Variants in MGMT observed in about 807,000 individuals in gnomAD.
MGMT encodes the protein methylated-DNA--protein-cysteine methyltransferase.
Under a neutral mutation model 15.9 loss-of-function variants are expected in MGMT, and 14 were observed. The ratio of observed to expected loss-of-function variants is 0.88; its 90% CI spans 0.58 to 1.37. The LOEUF (loss-of-function observed/expected upper bound fraction) is 1.37, where lower values mean the gene tolerates loss of function less well. MGMT is among the 40% of genes most tolerant of loss of function. The probability of loss-of-function intolerance (pLI) is 0.00; values close to 1 mark genes in which losing one functional copy is unlikely to be tolerated. For synonymous variants in MGMT, 130 were observed against 118.2 expected (o/e 1.10, Z -0.65); for missense variants, 282 against 268.1 (o/e 1.05, Z -0.36).
intron 2 of MGMT, among the ~76,000 whole-genome samples, chr10:129,661,220 T>A (rs961856977): frequency 1.1e-4 from 16 of 152,226 alleles, no homozygotes; most frequent in Non-Finnish European, 1.8e-4. Flanking sequence ...CAACTTTTTT[T>A]TTTTGCTTTT....
chr10:129,658,160 G>C (rs1847553833), intron 2 of MGMT, among the ~76,000 whole-genome samples: 1 of 152,098 alleles, frequency 6.6e-6, no homozygotes, highest in African/African-American at 2.4e-5. Context: ...CCCAAGTAAG[G>C]AACTAAAATG....
intron 1 of MGMT, among the ~76,000 whole-genome samples, chr10:129,493,537 G>A (rs1398981289): frequency 1.3e-5 from 2 of 152,140 alleles, no homozygotes; most frequent in Non-Finnish European, 2.9e-5. Context: ...TTTGCATAAA[G>A]CTACCAGAAG....
intron 1 of MGMT, among the ~76,000 whole-genome samples, chr10:129,496,095 C>A (rs912031802): frequency 6.6e-6 from 1 of 152,170 alleles, no homozygotes; most frequent in African/African-American, 2.4e-5. Context: ...CATTTAGAGT[C>A]TCACTTTTAA....
intron 2 of MGMT, among the ~76,000 whole-genome samples, chr10:129,580,147 C>T (rs1022897246): frequency 2.0e-5 from 3 of 152,120 alleles, no homozygotes; most frequent in East Asian, 1.9e-4. Flanking sequence ...GGTGTGTTGC[C>T]GTCTCAGCAG....
At chr10:129,759,902 G>T (rs1217036752) in intron 4 of MGMT, among the ~76,000 whole-genome samples, 1 of 152,174 alleles carries the variant, frequency 6.6e-6, no homozygotes, top group Non-Finnish European at 1.5e-5. Context: ...CTTGCAGCAT[G>T]GGACAAGGGA....
chr10:129,751,967 G>A (rs932303058), intron 3 of MGMT, among the ~76,000 whole-genome samples: 1 of 151,950 alleles, frequency 6.6e-6, no homozygotes, highest in African/African-American at 2.4e-5. Flanking sequence ...CTTGAAAAGA[G>A]TATAGATTCT....
chr10:129,618,099 G>T lies in MGMT; in HGVS notation c.125+81722G>T, dbSNP rs531202270. 5.9e-5 allele frequency among the ~76,000 whole-genome samples: 9 copies of T among 152,252 alleles called. No homozygotes were observed. The South Asian group carries it at 1.7e-3, about 28-fold the overall frequency. ...GAATGCCCAATTTGCACCAGAGATAGAGCCAGGCCCCTTGGGATGGAAAAG... is the reference window on the plus strand; with the variant it reads ...GAATGCCCAATTTGCACCAGAGATATAGCCAGGCCCCTTGGGATGGAAAAG... On this transcript the variant is annotated intron_variant, in intron 2 of 4. Coordinates refer to ENST00000651593, the MANE Select transcript of MGMT (RefSeq NM_002412.5).
intron 2 of MGMT, among the ~76,000 whole-genome samples, chr10:129,615,008 G>A (rs921861377): frequency 3.9e-5 from 6 of 151,944 alleles, no homozygotes; most frequent in Non-Finnish European, 7.4e-5. Flanking sequence ...TTTTTGAAGT[G>A]AATTTTTAAT....
intron 2 of MGMT, among the ~76,000 whole-genome samples, chr10:129,594,840 C>G (rs868418005): frequency 6.6e-6 from 1 of 152,208 alleles, no homozygotes; most frequent in Non-Finnish European, 1.5e-5. Context: ...TTGTTGGTGA[C>G]GCTGACATGT....
chr10:129,486,194 T>C (rs1845407728), intron 1 of MGMT, among the ~76,000 whole-genome samples: 2 of 150,494 alleles, frequency 1.3e-5, no homozygotes, highest in Admixed American at 6.6e-5. Flanking sequence ...TTTTTTTTTT[T>C]TTGGTGGGGG....
intron 1 of MGMT, among the ~76,000 whole-genome samples, chr10:129,486,874 T>G (rs1845414500): frequency 6.6e-6 from 1 of 152,248 alleles, no homozygotes; most frequent in Non-Finnish European, 1.5e-5. Context: ...AGTGTATTCT[T>G]TCCTGCTAGA....
intron 2 of MGMT, among the ~76,000 whole-genome samples, chr10:129,568,274 A>G (rs1293723492): frequency 6.6e-6 from 1 of 152,194 alleles, no homozygotes; most frequent in Non-Finnish European, 1.5e-5. Flanking sequence ...GTGAAGGACC[A>G]TTCTGGTGCT....
intron 2 of MGMT, among the ~76,000 whole-genome samples, chr10:129,581,629 C>G (rs963031356): frequency 6.6e-6 from 1 of 152,172 alleles, no homozygotes; most frequent in Non-Finnish European, 1.5e-5. Context: ...TATTCTCAGA[C>G]TAGTCAGAAC....
At chr10:129,692,837 G>A (rs370049863) in intron 2 of MGMT, among the ~76,000 whole-genome samples, 4 of 152,316 alleles carry the variant, frequency 2.6e-5, no homozygotes, top group African/African-American at 9.6e-5. Flanking sequence ...CAGTGTCCAT[G>A]CAAGCCTGCC....
chr10:129,769,342 C>T lies in MGMT; in HGVS notation c.*2345C>T, dbSNP rs1206163193. On this transcript the variant is annotated 3_prime_UTR_variant, in exon 5 of 5. Transcript: ENST00000651593. ...CGGGTCGCCTAGAGCCGCTCTGCCT[C>T]CAAGCTGCAGCGCCGTTCGTGAAAA... The T allele has an allele frequency of 2.0e-5, 3 of 152,210 alleles. No individual in the cohort carries two copies. Among genetic ancestry groups the T allele is most frequent in the Admixed American group, 1.3e-4 (2 of 15,284 alleles). 9.4% of individuals were successfully genotyped at this position (152,210 alleles called of 1,614,324 possible).
chr10:129,485,783 C>T (rs1249450020), intron 1 of MGMT, among the ~76,000 whole-genome samples: 3 of 152,152 alleles, frequency 2.0e-5, no homozygotes, highest in African/African-American at 7.2e-5. Context: ...GTGGGATCCC[C>T]ACCAAGTTAT....
chr10:129,705,672 G>C (rs1564768069), intron 2 of MGMT, among the ~76,000 whole-genome samples: 1 of 152,200 alleles, frequency 6.6e-6, no homozygotes, highest in African/African-American at 2.4e-5. Context: ...TTAAGAAGTT[G>C]TGACTACATC....
At chr10:129,569,514 C>T (rs564257733) in intron 2 of MGMT, among the ~76,000 whole-genome samples, 16 of 152,266 alleles carry the variant, frequency 1.1e-4, no homozygotes, top group South Asian at 2.1e-4. Flanking sequence ...CGTGCTGGGA[C>T]GGCCCCTGCT....
intron 1 of MGMT, among the ~76,000 whole-genome samples, chr10:129,518,794 A>G (rs1254883142): frequency 6.6e-6 from 1 of 151,470 alleles, no homozygotes; most frequent in East Asian, 2.0e-4. Context: ...ACAGTAGGGT[A>G]TTAGCAGTTA....
Sources: allele counts gnomAD v4.1 joint callset (sites outside exome capture counted in the v4.1 genomes callset), GRCh38; gene constraint gnomAD v4.1.1; transcripts MANE v1.5; gene names NCBI Gene and HGNC (gene_info 2026-07-23, HGNC 2026-07-21).